Variants in FAM228B observed in about 807,000 individuals in gnomAD.
The protein encoded by FAM228B is protein FAM228B.
In FAM228B, 38 loss-of-function variants were observed where a neutral mutation model predicts 42.6. That is an observed-to-expected ratio of 0.89 (90% CI 0.69 to 1.17). FAM228B has a LOEUF of 1.17. Among genes scored for constraint, FAM228B ranks in the 50% most tolerant of loss-of-function variants. The probability of loss-of-function intolerance (pLI) is 0.00; values close to 1 mark genes in which losing one functional copy is unlikely to be tolerated. For missense variants in FAM228B, 344 were observed against 367.3 expected (o/e 0.94, Z 0.52); for synonymous variants, 109 against 122.3 (o/e 0.89, Z 0.72).
intron 7 of FAM228B, among the ~76,000 whole-genome samples, chr2:24,151,694 T>G (rs1667027131): frequency 6.6e-6 from 1 of 151,710 alleles, no homozygotes; most frequent in African/African-American, 2.4e-5. Context: ...AGACAATTTT[T>G]TTTTTTGAGT....
At chr2:24,102,786 G>A (rs1665630541) in intron 3 of FAM228B, among the ~76,000 whole-genome samples, 1 of 152,098 alleles carries the variant, frequency 6.6e-6, no homozygotes, top group Admixed American at 6.6e-5. Flanking sequence ...TAACATATCG[G>A]AGCTGCAGAC....
intron 7 of FAM228B, among the ~76,000 whole-genome samples, chr2:24,158,913 G>T (rs1482141725): frequency 6.6e-6 from 1 of 152,204 alleles, no homozygotes; most frequent in African/African-American, 2.4e-5. Context: ...GAGGCTGGAA[G>T]ACTAACGTCC....
rs370822315 is a variant in FAM228B, at chr2:24,164,210, A to G, written c.807A>G (p.Ser269=). 7.1e-6 allele frequency: 11 copies of G among 1,550,340 alleles called. No homozygotes were observed. The East Asian group carries it at 2.2e-4, about 31-fold the overall frequency. ...TTCCTTCCTGCAGAAACAAAGGGTCATCCTTTCTAGAAAGAGAACCGCTGT... is the reference window on the plus strand; with the variant it reads ...TTCCTTCCTGCAGAAACAAAGGGTCGTCCTTTCTAGAAAGAGAACCGCTGT... ...EKTVIYKNKG[S]SFLEREPLCY... The change falls in exon 9 of 11, where the codon TCA becomes TCG. Residue 269 remains serine (S), a synonymous_variant. Coordinates refer to ENST00000615575, the MANE Select transcript of FAM228B (RefSeq NM_001145710.2).
intron 5 of FAM228B, among the ~76,000 whole-genome samples, chr2:24,143,326 GC>G (rs112479070): frequency 5.9e-5 from 9 of 151,906 alleles, no homozygotes; most frequent in African/African-American, 2.2e-4. Context: ...GACTACAGGC[GC>G]CCGCCACCAC....
At chr2:24,122,611 A>T, upstream of FAM228B, 1 of 974,112 alleles carries the variant, frequency 1.0e-6, no homozygotes, top group East Asian at 2.4e-5. Flanking sequence ...ATGTGAATAC[A>T]AATGTCCTTA....
intron 3 of FAM228B, among the ~76,000 whole-genome samples, chr2:24,135,886 A>G (rs1666568555): frequency 6.6e-6 from 1 of 150,772 alleles, no homozygotes. Context: ...TCATCTTTGC[A>G]GGCTACTTGC....
chr2:24,165,308 C>T, intron 9 of FAM228B: 1 of 462,246 alleles, frequency 2.2e-6, no homozygotes, highest in Middle Eastern at 3.4e-4. Context: ...AACCCTGGCC[C>T]TATCCTTACA....
At chr2:24,119,320 A>C (rs1007083711), upstream of FAM228B, among the ~76,000 whole-genome samples, 6 of 152,190 alleles carry the variant, frequency 3.9e-5, no homozygotes, top group African/African-American at 1.4e-4. Context: ...GAAAGGAAAC[A>C]GTTTGCTATG....
At chr2:24,168,223 T>G (rs1457017219) in intron 10 of FAM228B, among the ~76,000 whole-genome samples, 1 of 152,182 alleles carries the variant, frequency 6.6e-6, no homozygotes, top group African/African-American at 2.4e-5. Context: ...ATATAGATGC[T>G]ATGTGAAATC....
At chr2:24,129,576 A>G (rs1308158406) in intron 2 of FAM228B, among the ~76,000 whole-genome samples, 1 of 151,872 alleles carries the variant, frequency 6.6e-6, no homozygotes, top group Admixed American at 6.6e-5. Context: ...TCTGTCTTCA[A>G]GTTCACTGAC....
chr2:24,084,226 A>C lies in FAM228B; in HGVS notation c.-210+3271A>C. 6.2e-7 allele frequency: 1 copy of C among 1,613,924 alleles called. No individual in the cohort carries two copies. Among genetic ancestry groups the C allele is most frequent in the Non-Finnish European group, 8.5e-7 (1 of 1,179,938 alleles). On this transcript the variant is annotated intron_variant, in intron 2 of 10. Coordinates refer to the FAM228B transcript ENST00000613899. This position sits in a 1 kb window ranked among gnomAD's most constrained non-coding sequence, Gnocchi z 8.4. ...CGCCCGGTTCAGGGCGCTGGCCGCC[A>C]CCTTCAGGAGGACTTCACCCTCCCC...
Position 24,084,442 on chromosome 2 carries a change from A to G in FAM228B, c.-210+3487A>G. 1 of 1,321,624 alleles carries G rather than the reference A, an allele frequency of 7.6e-7. No homozygotes were observed. The highest frequency in any genetic ancestry group is 3.0e-5 in the Admixed American group (1 of 33,308). The allele number at this position is 1,321,624 out of a possible 1,614,324, so 81.9% of individuals were successfully genotyped here. A position where few individuals can be genotyped will look rare whatever the true frequency, so the allele number is the denominator to read the frequency against. On this transcript the variant is annotated intron_variant, in intron 2 of 10. Coordinates refer to the FAM228B transcript ENST00000613899. This position sits in a 1 kb window ranked among gnomAD's most constrained non-coding sequence, Gnocchi z 8.4. ...AGGGGCCGCTGTATCCTCGCGGAGC[A>G]GCCCAGCCTCAGGCTGGCACCGCAG...
intron 2 of FAM228B, among the ~76,000 whole-genome samples, chr2:24,092,924 GCACACACACACACACACACA>G (rs3030954): frequency 2.2e-5 from 3 of 133,438 alleles, no homozygotes; most frequent in Admixed American, 1.5e-4. Context: ...ATGATTTTAT[GCACACACACACACACACACA>G]CACACACACA....
chr2:24,143,125 A>G (rs1436040764), intron 5 of FAM228B, among the ~76,000 whole-genome samples: 1 of 152,160 alleles, frequency 6.6e-6, no homozygotes, highest in East Asian at 1.9e-4. Flanking sequence ...ATCCACGATG[A>G]TCTAAAAAGG....
upstream of FAM228B, among the ~76,000 whole-genome samples, chr2:24,120,825 C>T (rs1332092213): frequency 6.6e-6 from 1 of 151,854 alleles, no homozygotes; most frequent in Non-Finnish European, 1.5e-5. Flanking sequence ...GTGTGAGCCA[C>T]TGTGCCTGGC....
At position 24,132,553 on chromosome 2, in the gene FAM228B, C is replaced by T. The variant is rs139804386; in HGVS notation, c.100-2566C>T. On this transcript the variant is annotated intron_variant, in intron 2 of 10. Coordinates refer to ENST00000615575, the MANE Select transcript of FAM228B (RefSeq NM_001145710.2). ...CTTGTTATTAGTCTATTCAGGGATT[C>T]GACTTCTTCCTCGTTTAGTCTTGGG... Among the ~76,000 whole-genome samples the T allele has an allele frequency of 3.9e-3, 484 of 125,584 alleles. 2 individuals are homozygous for T. Among genetic ancestry groups the T allele is most frequent in the African/African-American group, 0.013 (435 of 32,698 alleles). The allele number at this position is 125,584 out of a possible 152,430, so 82.4% of individuals were successfully genotyped here.
chr2:24,140,660 C>A (rs1666720708), intron 5 of FAM228B, among the ~76,000 whole-genome samples: 2 of 151,864 alleles, frequency 1.3e-5, no homozygotes, highest in African/African-American at 2.4e-5. Flanking sequence ...TACAATAGAT[C>A]TCTAGAAAAA....
intron 3 of FAM228B, among the ~76,000 whole-genome samples, chr2:24,104,088 T>C (rs1457619577): frequency 1.3e-5 from 2 of 152,114 alleles, no homozygotes; most frequent in Admixed American, 6.5e-5. Flanking sequence ...ATCAGGGCAG[T>C]AGAGGAACAC....
chr2:24,107,450 C>A (rs929381602), intron 3 of FAM228B, among the ~76,000 whole-genome samples: 1 of 152,138 alleles, frequency 6.6e-6, no homozygotes, highest in Non-Finnish European at 1.5e-5. Flanking sequence ...CTACAGAGTG[C>A]TCCACCTAAA....
Sources: gnomAD v4.1 joint callset for allele counts (sites outside exome capture counted in the v4.1 genomes callset) on GRCh38, gnomAD v4.1.1 for gene constraint, Gnocchi (gnomAD v3.1) non-coding constraint, MANE v1.5 for transcripts, NCBI Gene and HGNC (gene_info 2026-07-23, HGNC 2026-07-21) for gene names.